The following GABRR2 variants were observed in gnomAD, a reference collection of about 807,000 sequenced individuals.
GABRR2 encodes gamma-aminobutyric acid receptor subunit rho-2.
Under a neutral mutation model 47.0 loss-of-function variants are expected in GABRR2, and 36 were observed. The observed-to-expected ratio is 0.77, with a 90% confidence interval of 0.59 to 1.01. The LOEUF (loss-of-function observed/expected upper bound fraction) is 1.01, where lower values mean the gene tolerates loss of function less well. Among genes scored for constraint, GABRR2 ranks in the 50% least tolerant of loss-of-function variants. The pLI is 0.00. For missense variants in GABRR2, 587 were observed against 594.6 expected, an observed-to-expected ratio of 0.99 and a Z score of 0.13; for synonymous variants, 204 against 227.5, an observed-to-expected ratio of 0.90 and a Z score of 0.93.
intron 8 of GABRR2, among the ~76,000 whole-genome samples, chr6:89,260,660 G>A (rs564822653): frequency 7.9e-5 from 12 of 152,250 alleles, no homozygotes; most frequent in African/African-American, 2.4e-4. Context: ...AATCACCTGG[G>A]AACTTGCTTA....
At chr6:89,304,611 GA>G (rs1264774014) in intron 1 of GABRR2, among the ~76,000 whole-genome samples, 7 of 147,644 alleles carry the variant, frequency 4.7e-5, no homozygotes, top group Non-Finnish European at 7.5e-5. Context: ...AAAAAAAAAA[GA>G]AAAAAAGTGG....
chr6:89,301,255 C>T (rs1767431127), intron 1 of GABRR2, among the ~76,000 whole-genome samples: 1 of 152,110 alleles, frequency 6.6e-6, no homozygotes, highest in Admixed American at 6.5e-5. Flanking sequence ...GTGACAAACC[C>T]ATAGCCAACG....
chr6:89,299,788 T>C lies in GABRR2; in HGVS notation c.191A>G (p.His64Arg), dbSNP rs1434560681. The C allele has an allele frequency of 1.2e-6, 2 of 1,613,810 alleles. No homozygotes were observed. Among genetic ancestry groups the C allele is most frequent in the Non-Finnish European group, 1.7e-6 (2 of 1,179,822 alleles). Residue 64 changes from histidine (H) to arginine (R), a missense_variant, in exon 2 of 9, where the codon CAC (histidine) becomes CGC (arginine). Physicochemically the swap from His to Arg is conservative, Grantham distance 29. Transcript: ENST00000402938. The stretch of plus-strand genomic sequence containing the variant: ...GAAGGCGGGTCTCATGCTGAAGTCG[T>C]GCTCGTCCACTCTGAGAAGCTGCTG... Reference protein sequence around the residue: ...KPQQLLRVDEHDFSMRPAFGG... With the variant: ...KPQQLLRVDERDFSMRPAFGG...
intron 1 of GABRR2, among the ~76,000 whole-genome samples, chr6:89,300,819 T>C (rs1767411088): frequency 6.9e-6 from 1 of 143,946 alleles, no homozygotes; most frequent in Non-Finnish European, 1.5e-5. Context: ...TACAAAGAAC[T>C]GGTACCATTC....
chr6:89,294,522 A>G (rs1774524095), intron 2 of GABRR2, among the ~76,000 whole-genome samples: 1 of 152,202 alleles, frequency 6.6e-6, no homozygotes, highest in South Asian at 2.1e-4. Flanking sequence ...GACATAGTCC[A>G]CAACAATATT....
chr6:89,257,761 T>G lies in GABRR2; in HGVS notation c.1307A>C (p.Gln436Pro). The change falls in exon 9 of 9, where the codon CAG becomes CCG. Residue 436 changes from glutamine to proline, a missense_variant. By Grantham distance (76) the Gln-to-Pro change is moderately conservative. Coordinates refer to ENST00000402938, the MANE Select transcript of GABRR2 (RefSeq NM_002043.5). ...GTATTTGTCAATGGCATGGGTATTC[T>G]GGAAGATACGAAAACCCGTCTGGCC... ...LKGQTGFRIF[Q>P]NTHAIDKYSR... The G allele has an allele frequency of 6.2e-7, 1 of 1,613,994 alleles. No homozygotes were observed. The highest frequency in any genetic ancestry group is 8.5e-7 in the Non-Finnish European group (1 of 1,179,834).
intron 2 of GABRR2, among the ~76,000 whole-genome samples, chr6:89,281,390 A>G (rs1774253339): frequency 6.6e-6 from 1 of 152,240 alleles, no homozygotes; most frequent in Admixed American, 6.5e-5. Flanking sequence ...TGCTGAATTT[A>G]GGCCACAGGC....
chr6:89,279,162 C>T (rs1034620438), intron 2 of GABRR2, among the ~76,000 whole-genome samples: 2 of 152,226 alleles, frequency 1.3e-5, no homozygotes, highest in Non-Finnish European at 2.9e-5. Flanking sequence ...GATCCCCGGC[C>T]TGGCCCTGCA....
Position 89,265,741 on chromosome 6 carries a change from T to A in GABRR2, c.761A>T (p.Asn254Ile), listed in dbSNP as rs975106457. 1 of 1,613,714 alleles carries A rather than the reference T, an allele frequency of 6.2e-7. No individual in the cohort carries two copies. The highest frequency in any genetic ancestry group is 1.3e-5 in the African/African-American group (1 of 74,796). ...STGWYNRLYI[N>I]FTLRRHIFFF... The stretch of plus-strand genomic sequence containing the variant: ...GAAGATGTGGCGACGCAACGTGAAG[T>A]TAATGTACAGACGGTTGTACCAGCC... Residue 254 changes from asparagine to isoleucine, a missense_variant, in exon 7 of 9, where the codon AAC becomes ATC. Coordinates refer to ENST00000402938, the MANE Select transcript of GABRR2 (RefSeq NM_002043.5).
chr6:89,263,014 T>G (rs115762879), intron 8 of GABRR2, among the ~76,000 whole-genome samples: 177 of 152,374 alleles, frequency 1.2e-3, no homozygotes, highest in African/African-American at 4.1e-3. Context: ...CATGGCTTTG[T>G]AAAATCTCCC....
At chr6:89,296,837 C>T (rs1414497036) in intron 2 of GABRR2, among the ~76,000 whole-genome samples, 1 of 152,204 alleles carries the variant, frequency 6.6e-6, no homozygotes, top group Non-Finnish European at 1.5e-5. Flanking sequence ...AGAGCTAGCT[C>T]CTGGTGGGAG....
intron 2 of GABRR2, among the ~76,000 whole-genome samples, chr6:89,289,183 G>C (rs1324470146): frequency 6.6e-6 from 1 of 152,238 alleles, no homozygotes; most frequent in Admixed American, 6.5e-5. Context: ...GCACAGATGT[G>C]CAGGGCCAGA....
chr6:89,309,151 C>T (rs1404718556), intron 1 of GABRR2, among the ~76,000 whole-genome samples: 1 of 152,138 alleles, frequency 6.6e-6, no homozygotes, highest in Non-Finnish European at 1.5e-5. Flanking sequence ...TGAGGACAGC[C>T]TCCCATTTGG....
chr6:89,261,669 C>T (rs1773748841), intron 8 of GABRR2, among the ~76,000 whole-genome samples: 2 of 152,226 alleles, frequency 1.3e-5, no homozygotes, highest in South Asian at 4.1e-4. Flanking sequence ...AAAGAATACA[C>T]TGTGTGCTAA....
At chr6:89,267,936 C>T in intron 5 of GABRR2, 78 bp downstream of exon 5, 1 of 1,571,244 alleles carries the variant, frequency 6.4e-7, no homozygotes, top group Non-Finnish European at 8.8e-7. Flanking sequence ...GCGGGCAGTG[C>T]TCAGTCTCAT....
chr6:89,263,933 T>C (rs1163456924), intron 8 of GABRR2, among the ~76,000 whole-genome samples: 2 of 152,224 alleles, frequency 1.3e-5, no homozygotes, highest in Admixed American at 1.3e-4. Flanking sequence ...GAATTTTCAC[T>C]GGGCACTGAT....
rs1379513048 is a variant in GABRR2 at position 89,292,767 on chromosome 6, T to TATA, written c.220+6991_220+6992insTAT. Among the ~76,000 whole-genome samples the TATA allele has an allele frequency of 5.1e-4, 20 of 39,472 alleles. 1 individual carries two copies. Among genetic ancestry groups the TATA allele is most frequent in the Admixed American group, 4.3e-3 (15 of 3,450 alleles). The allele number at this position is 39,472 out of a possible 152,430, so 25.9% of individuals were successfully genotyped here. A position where few individuals can be genotyped will look rare whatever the true frequency, so the allele number is the denominator to read the frequency against. On this transcript the variant is annotated intron_variant, in intron 2 of 8. Transcript: ENST00000402938. ...AATCGTATATATCGTATATACGATATATCGTATATATCGTATATACGATAT... is the reference window on the plus strand; with the variant it reads ...AATCGTATATATCGTATATACGATATATAATCGTATATATCGTATATACGATAT...
At chr6:89,304,866 T>C (rs1173889074) in intron 1 of GABRR2, among the ~76,000 whole-genome samples, 3 of 152,210 alleles carry the variant, frequency 2.0e-5, no homozygotes, top group Non-Finnish European at 4.4e-5. Flanking sequence ...TCAACCATTG[T>C]GGCAAGCAGT....
In GABRR2 at chr6:89,280,226, AT is replaced by A. The variant is rs1244478266; in HGVS notation, c.221-8505del. On this transcript the variant is annotated intron_variant, in intron 2 of 8. Coordinates refer to ENST00000402938, the MANE Select transcript of GABRR2 (RefSeq NM_002043.5). ...TCTAAAAACAAATATATATATATAT[AT>A]ATATATATATATATATATATATATA... 5.9e-4 allele frequency among the ~76,000 whole-genome samples: 44 copies of A among 74,158 alleles called. 1 individual carries two copies. Among genetic ancestry groups the A allele is most frequent in the African/African-American group, 2.5e-3 (44 of 17,882 alleles). The allele number at this position is 74,158 out of a possible 152,430, so 48.7% of individuals were successfully genotyped here. A position where few individuals can be genotyped will look rare whatever the true frequency, so the allele number is the denominator to read the frequency against.
Sources: gnomAD v4.1 joint callset for allele counts (sites outside exome capture counted in the v4.1 genomes callset) on GRCh38, gnomAD v4.1.1 for gene constraint, MANE v1.5 for transcripts, NCBI Gene and HGNC (gene_info 2026-07-23, HGNC 2026-07-21) for gene names.